Variants in UGGT1 observed in about 807,000 individuals in gnomAD.
UGGT1 encodes UDP-glucose glycoprotein glucosyltransferase 1, also known as UDP-glucose:glycoprotein glucosyltransferase 1.
UGGT1 carries 107 observed loss-of-function variants against 203.9 expected under a neutral mutation model. The observed-to-expected ratio is 0.52, with a 90% CI of 0.45 to 0.62. UGGT1 has a LOEUF of 0.62. Ranked by LOEUF, UGGT1 falls within the 20% of genes least tolerant of loss-of-function variation. The pLI is 0.00. For missense variants in UGGT1, 1,673 were observed against 1,867.2 expected, an observed-to-expected ratio of 0.90 and a Z score of 1.92; for synonymous variants, 628 against 653.5, an observed-to-expected ratio of 0.96 and a Z score of 0.59.
intron 7 of UGGT1, 116 bp downstream of exon 7, chr2:128,115,336 G>A: frequency 1.1e-6 from 1 of 899,778 alleles, no homozygotes; most frequent in East Asian, 2.8e-5. Flanking sequence ...TTTGCATCCT[G>A]GTTCTGTTAC....
chr2:128,106,581 T>C (rs946360990), intron 3 of UGGT1, among the ~76,000 whole-genome samples: 52 of 152,320 alleles, frequency 3.4e-4, no homozygotes, highest in African/African-American at 1.1e-3. Flanking sequence ...ATTTACTTAT[T>C]TATTTTTTGA....
At chr2:128,183,919 T>C (rs548754072) in intron 38 of UGGT1, 130 bp downstream of exon 38, 6 of 542,648 alleles carry the variant, frequency 1.1e-5, no homozygotes, top group African/African-American at 9.6e-5. Context: ...GGTGTGTGTG[T>C]GTGTGTGTGT....
chr2:128,097,293 T>C, intron 1 of UGGT1, 136 bp from the exon 2 acceptor site: 1 of 997,034 alleles, frequency 1.0e-6, no homozygotes, highest in Non-Finnish European at 1.4e-6. Flanking sequence ...GGAGAATCGC[T>C]TGAACCTGGG....
At chr2:128,183,868 CT>C in intron 38 of UGGT1, 79 bp downstream of exon 38, 1 of 1,044,084 alleles carries the variant, frequency 9.6e-7, no homozygotes, top group Non-Finnish European at 1.5e-6. Flanking sequence ...TTACTTGTGT[CT>C]TCAGTCCTCT....
chr2:128,104,307 TA>T (rs1199255239), intron 3 of UGGT1, among the ~76,000 whole-genome samples: 1 of 152,244 alleles, frequency 6.6e-6, no homozygotes, highest in East Asian at 1.9e-4. Flanking sequence ...CATTTCATTT[TA>T]AATCATTCAG....
At position 128,193,433 on chromosome 2, in the gene UGGT1, G is replaced by A. The variant is rs1692370154; in HGVS notation, c.*3691G>A. 6.6e-6 allele frequency: 1 copy of A among 151,928 alleles called. No homozygotes were observed. The highest frequency in any genetic ancestry group is 2.1e-4 in the South Asian group (1 of 4,802). 9.4% of individuals were successfully genotyped at this position (151,928 alleles called of 1,614,324 possible). A position where few individuals can be genotyped will look rare whatever the true frequency, so the allele number is the denominator to read the frequency against. ...TGCCTGGTTAATTTTTGTATTTTTA[G>A]TAGAGATGGGGTTTTACCATGTTGG... is the stretch of plus-strand genomic sequence containing the variant. On this transcript the variant is annotated 3_prime_UTR_variant, in exon 41 of 41. Coordinates refer to ENST00000259253, the MANE Select transcript of UGGT1 (RefSeq NM_020120.4).
intron 11 of UGGT1, 104 bp downstream of exon 11, chr2:128,123,350 C>T (rs1688469251): frequency 1.0e-6 from 1 of 971,204 alleles, no homozygotes; most frequent in Admixed American, 2.8e-5. Context: ...CTTCTTTTAT[C>T]TAAGATGGTG....
At chr2:128,139,585 A>G (rs1259638089) in intron 16 of UGGT1, among the ~76,000 whole-genome samples, 3 of 152,192 alleles carry the variant, frequency 2.0e-5, no homozygotes, top group Admixed American at 2.0e-4. Flanking sequence ...AAAGCTGGGC[A>G]GTATTCTGAG....
chr2:128,163,206 A>G (rs1690614084), intron 25 of UGGT1, among the ~76,000 whole-genome samples: 1 of 152,268 alleles, frequency 6.6e-6, no homozygotes, highest in South Asian at 2.1e-4. Context: ...GGCCTGTATT[A>G]TATATATTTG....
intron 12 of UGGT1, 58 bp downstream of exon 12, chr2:128,127,510 C>T (rs1688661337): frequency 7.9e-7 from 1 of 1,271,340 alleles, no homozygotes; most frequent in Non-Finnish European, 1.1e-6. Flanking sequence ...CACCTTGTAA[C>T]ATGTTCATAT....
At chr2:128,187,789 A>G (rs1692058760) in intron 40 of UGGT1, among the ~76,000 whole-genome samples, 175 bp downstream of exon 40, 1 of 151,128 alleles carries the variant, frequency 6.6e-6, no homozygotes, top group Admixed American at 6.6e-5. Flanking sequence ...TCTTCTAAAC[A>G]GTATTTATTA....
chr2:128,118,276 A>T (rs1024057418), intron 8 of UGGT1, among the ~76,000 whole-genome samples: 2 of 151,936 alleles, frequency 1.3e-5, no homozygotes, highest in Admixed American at 6.6e-5. Flanking sequence ...TTCTAAAAAA[A>T]TTTTTTCGAG....
Position 128,107,924 on chromosome 2 carries a change from T to G in UGGT1, c.278-14T>G. On this transcript the variant is annotated splice_polypyrimidine_tract_variant and intron_variant, in intron 3 of 40. Coordinates refer to ENST00000259253, the MANE Select transcript of UGGT1 (RefSeq NM_020120.4). ...TCATACGCAATTACTTTGGTTAATG[T>G]TCTTCCTTGACAGGTACCGATTATT... 1 of 1,614,046 alleles carries G rather than the reference T, an allele frequency of 6.2e-7. No individual in the cohort carries two copies. Among genetic ancestry groups the G allele is most frequent in the Non-Finnish European group, 8.5e-7 (1 of 1,179,948 alleles).
chr2:128,179,798 A>G lies in UGGT1; in HGVS notation c.3828A>G (p.Leu1276=), dbSNP rs757892306. ...TTTTGTTTGGCAGCATAATGATGCT[A>G]TCCGTGCTGAAGAATACCAAGACTC... is the stretch of plus-strand genomic sequence containing the variant. ...LYERFLRIMM[L]SVLKNTKTPV... Residue 1276 remains leucine (L), a synonymous_variant, in exon 35 of 41, where the codon CTA becomes CTG. Coordinates refer to ENST00000259253, the MANE Select transcript of UGGT1 (RefSeq NM_020120.4). 5.0e-6 allele frequency: 8 copies of G among 1,613,426 alleles called. No individual in the cohort carries two copies. In the African/African-American group the frequency reaches 5.3e-5, roughly 11 times the overall value.
intron 5 of UGGT1, among the ~76,000 whole-genome samples, chr2:128,111,809 T>C (rs6430984): frequency 0.89 from 134,974 of 151,516 alleles, 61,096 homozygotes; most frequent in Non-Finnish European, 0.98. Flanking sequence ...CTTATATTTT[T>C]AAATAAAAAG....
chr2:128,177,313 G>A (rs1691447575), intron 32 of UGGT1, among the ~76,000 whole-genome samples: 1 of 152,080 alleles, frequency 6.6e-6, no homozygotes, highest in Non-Finnish European at 1.5e-5. Flanking sequence ...TTAAATTCAA[G>A]TACAGTATAT....
At chr2:128,120,949 TGCGTTAGTGTA>T (rs11270338) in intron 9 of UGGT1, among the ~76,000 whole-genome samples, 136,968 of 152,174 alleles carry the variant, frequency 0.9, 62,425 homozygotes, top group Non-Finnish European at 0.98. Flanking sequence ...CTGTGCTACA[TGCGTTAGTGTA>T]GCGTTAGTGT....
At chr2:128,100,580 A>G (rs150135232) in intron 2 of UGGT1, among the ~76,000 whole-genome samples, 3 of 88,366 alleles carry the variant, frequency 3.4e-5, no homozygotes, top group African/African-American at 1.2e-4. Context: ...CTAATTTTGT[A>G]TTTTTTTTTT....
intron 40 of UGGT1, 75 bp downstream of exon 40, chr2:128,187,689 A>C (rs1451970728): frequency 7.0e-7 from 1 of 1,425,722 alleles, no homozygotes; most frequent in Non-Finnish European, 9.4e-7. Flanking sequence ...AGACAATAGA[A>C]TAATGGATAA....
Sources: gnomAD v4.1 joint callset for allele counts (sites outside exome capture counted in the v4.1 genomes callset) on GRCh38, gnomAD v4.1.1 for gene constraint, MANE v1.5 for transcripts, NCBI Gene and HGNC (gene_info 2026-07-23, HGNC 2026-07-21) for gene names.